ZNF618: variants seen among roughly 807,000 people sequenced by gnomAD.
ZNF618 encodes the protein neural precursor cell expressed, developmentally down-regulated 10.
In ZNF618, 34 loss-of-function variants were observed where a neutral mutation model predicts 103.0. The observed-to-expected ratio is 0.33, with a 90% CI of 0.25 to 0.44. The LOEUF (loss-of-function observed/expected upper bound fraction) is 0.44. Ranked by LOEUF, ZNF618 falls within the 20% of genes least tolerant of loss-of-function variation. The pLI is 1.00. For missense variants in ZNF618, 1,059 were observed against 1,295.4 expected (o/e 0.82, Z 2.80); for synonymous variants, 551 against 542.2 (o/e 1.02, Z -0.23).
chr9:113,918,948 G>A (rs1165499194), intron 1 of ZNF618, among the ~76,000 whole-genome samples: 1 of 152,174 alleles, frequency 6.6e-6, no homozygotes, highest in Non-Finnish European at 1.5e-5. Context: ...ATGAAAACTG[G>A]AAAGGAAGAC....
chr9:113,881,105 A>T (rs1030966387), intron 1 of ZNF618, among the ~76,000 whole-genome samples: 1 of 152,210 alleles, frequency 6.6e-6, no homozygotes, highest in African/African-American at 2.4e-5. Flanking sequence ...CGTCTTTGCA[A>T]GGTCTTCTTG....
chr9:113,974,066 C>T (rs1375724475), intron 2 of ZNF618, among the ~76,000 whole-genome samples: 1 of 152,216 alleles, frequency 6.6e-6, no homozygotes, highest in African/African-American at 2.4e-5. Context: ...ATGAAACAGA[C>T]AGGAATCCCT....
intron 10 of ZNF618, among the ~76,000 whole-genome samples, chr9:114,023,495 G>A (rs1843242231): frequency 1.3e-5 from 2 of 152,082 alleles, no homozygotes; most frequent in South Asian, 4.1e-4. Flanking sequence ...GCTTTAAACA[G>A]TAATTTGTTA....
chr9:114,038,611 A>G (rs1348562904), intron 13 of ZNF618, among the ~76,000 whole-genome samples: 2 of 152,216 alleles, frequency 1.3e-5, no homozygotes, highest in East Asian at 3.8e-4. Context: ...AATTCCCGCT[A>G]ATAAACTTCC....
chr9:113,961,112 C>T (rs1027874005), intron 1 of ZNF618, among the ~76,000 whole-genome samples: 3 of 152,214 alleles, frequency 2.0e-5, no homozygotes, highest in African/African-American at 7.2e-5. Context: ...TTCCCCCTGT[C>T]GAGTGTGAGC....
intron 13 of ZNF618, 138 bp from the exon 14 acceptor site, chr9:114,047,755 G>A: frequency 3.1e-6 from 2 of 644,768 alleles, no homozygotes; most frequent in South Asian, 3.9e-5. Flanking sequence ...GTTGTCTAAG[G>A]AGGAGCCAGG....
At position 114,028,758 on chromosome 9, in the gene ZNF618, G is replaced by A. The variant is rs965213900; in HGVS notation, c.870G>A (p.Pro290=). Residue 290 remains proline, a synonymous_variant, in exon 11 of 15, where the codon CCG becomes CCA. Transcript: ENST00000374126. ...GTACTGCCCCCGGGTGGGAGCCACC[G>A]GATGATCCAGACACGGGCTCTGAGT... ...PISTAPGWEP[P]DDPDTGSECS... is the part of the protein sequence containing the mutation. The A allele has an allele frequency of 1.3e-5, 20 of 1,550,346 alleles. No homozygotes were observed. The highest frequency in any genetic ancestry group is 5.9e-5 in the Admixed American group (3 of 50,984).
At chr9:114,009,231 G>A (rs899791415) in intron 9 of ZNF618, among the ~76,000 whole-genome samples, 1 of 152,198 alleles carries the variant, frequency 6.6e-6, no homozygotes, top group Non-Finnish European at 1.5e-5. Context: ...TAGCTTGCAG[G>A]GAGCTGTGGG....
rs139355845 is a variant in ZNF618 at position 113,881,202 on chromosome 9, A to G, written c.33+4789A>G. Among the ~76,000 whole-genome samples the G allele has an allele frequency of 2.2e-4, 34 of 152,320 alleles. No individual in the cohort carries two copies. In the East Asian group the frequency reaches 6.4e-3, roughly 29 times the overall value. ...TTGCCAGAGAAATTTTTCTGGAGTTAGAGAGTCTGTGTTTGTGCTATATTT... is the reference window on the plus strand; with the variant it reads ...TTGCCAGAGAAATTTTTCTGGAGTTGGAGAGTCTGTGTTTGTGCTATATTT... On this transcript the variant is annotated intron_variant, in intron 1 of 14. Coordinates refer to ENST00000374126, the MANE Select transcript of ZNF618 (RefSeq NM_001318042.2).
intron 12 of ZNF618, chr9:114,035,129 T>C (rs1267637010): frequency 1.0e-6 from 1 of 976,078 alleles, no homozygotes; most frequent in Admixed American, 6.2e-5. Flanking sequence ...GAATAAAAAT[T>C]ATGACTATCA....
At chr9:113,964,750 C>CTTTTTTTT (rs765191153) in intron 1 of ZNF618, among the ~76,000 whole-genome samples, 97 of 98,404 alleles carry the variant, frequency 9.9e-4, no homozygotes, top group Non-Finnish European at 1.2e-3. Flanking sequence ...CTCCTTTCTG[C>CTTTTTTTT]TTTTTTTTTT....
chr9:113,896,359 G>A (rs1830045339), intron 1 of ZNF618, among the ~76,000 whole-genome samples: 2 of 151,936 alleles, frequency 1.3e-5, no homozygotes, highest in South Asian at 2.1e-4. Flanking sequence ...GTAGCCTAAC[G>A]ATTATTTAAA....
In ZNF618 at chr9:114,049,439, G is replaced by A; in HGVS notation, c.2137G>A (p.Glu713Lys). ...LVHERYEQIC[E>K]FYSRAKKMNL... ...GCATGAGCGCTATGAGCAGATCTGC[G>A]AGTTCTACAGCCGGGCCAAGAAGAT... The change falls in exon 15 of 15, where the codon GAG (glutamate) becomes AAG (lysine). Residue 713 changes from glutamate to lysine, a missense_variant. Around this residue, in one of 6 missense-constraint regions of ZNF618, gnomAD observed 272 missense variants for 380.1 expected, o/e 0.72. Transcript: ENST00000374126. 3 of 1,606,360 alleles carry A rather than the reference G, an allele frequency of 1.9e-6. No homozygotes were observed. Among genetic ancestry groups the A allele is most frequent in the African/African-American group, 1.3e-5 (1 of 74,854 alleles).
chr9:113,931,935 T>C lies in ZNF618; in HGVS notation c.34-37182T>C, dbSNP rs551994244. Among the ~76,000 whole-genome samples the C allele has an allele frequency of 1.4e-3, 220 of 152,202 alleles. 5 individuals are homozygous for C. Among genetic ancestry groups the C allele is most frequent in the Non-Finnish European group, 5.7e-4 (39 of 68,030 alleles). On this transcript the variant is annotated intron_variant, in intron 1 of 14. Coordinates refer to ENST00000374126, the MANE Select transcript of ZNF618 (RefSeq NM_001318042.2). ...TACTCCTTGGGCTGAGGGAAGGCTGTATAGTGTAGTGATTGATTCATTCAT... is the reference window on the plus strand; with the variant it reads ...TACTCCTTGGGCTGAGGGAAGGCTGCATAGTGTAGTGATTGATTCATTCAT...
rs1846420549 is a variant in ZNF618, at chr9:114,055,513, C to T, written c.*5346C>T. On this transcript the variant is annotated 3_prime_UTR_variant, in exon 15 of 15. Coordinates refer to ENST00000374126, the MANE Select transcript of ZNF618 (RefSeq NM_001318042.2). ...TCTGATCCTGCCTTTTTCTTTTCCC[C>T]ACAACTTCACGCCAGTGAGTCGTTC... 1.3e-5 allele frequency: 2 copies of T among 152,358 alleles called. No homozygotes were observed. Among genetic ancestry groups the T allele is most frequent in the South Asian group, 4.1e-4 (2 of 4,820 alleles). 9.4% of individuals were successfully genotyped at this position (152,358 alleles called of 1,614,324 possible).
intron 1 of ZNF618, among the ~76,000 whole-genome samples, chr9:113,967,023 C>G (rs931634107): frequency 6.6e-6 from 1 of 152,242 alleles, no homozygotes; most frequent in African/African-American, 2.4e-5. Flanking sequence ...TTATCCCACA[C>G]TCTGTCACGT....
chr9:113,893,455 T>C (rs1026831384), intron 1 of ZNF618, among the ~76,000 whole-genome samples: 2 of 152,220 alleles, frequency 1.3e-5, no homozygotes, highest in East Asian at 3.8e-4. Context: ...AAGATCATCC[T>C]AAATAAATGT....
intron 1 of ZNF618, among the ~76,000 whole-genome samples, chr9:113,958,858 C>G (rs1339326239): frequency 6.6e-6 from 1 of 152,222 alleles, no homozygotes; most frequent in East Asian, 1.9e-4. Flanking sequence ...ATTGCCCTAA[C>G]CAGCAGCCCA....
chr9:114,021,896 C>G (rs1843098445), intron 10 of ZNF618, among the ~76,000 whole-genome samples: 1 of 152,070 alleles, frequency 6.6e-6, no homozygotes, highest in Admixed American at 6.5e-5. Flanking sequence ...TGAGATTCAT[C>G]TATGCTTACA....
Sources: allele counts gnomAD v4.1 joint callset (sites outside exome capture counted in the v4.1 genomes callset), GRCh38; gene constraint gnomAD v4.1.1; regional missense constraint gnomAD v4.1.1; transcripts MANE v1.5; gene names NCBI Gene and HGNC (gene_info 2026-07-23, HGNC 2026-07-21).